EPHA6: variants seen among roughly 807,000 people sequenced by gnomAD.
EPHA6 encodes the protein EPH receptor A6, also known as ephrin type-A receptor 6.
Under a neutral mutation model 112.0 loss-of-function variants are expected in EPHA6, and 50 were observed. The observed-to-expected ratio is 0.45, with a 90% CI of 0.36 to 0.56. The LOEUF is 0.56. Ranked by LOEUF, EPHA6 falls within the 20% of genes least tolerant of loss-of-function variation. The pLI is 0.00. For synonymous variants in EPHA6, 529 were observed against 490.7 expected, an observed-to-expected ratio of 1.08 and a Z score of -1.03; for missense variants, 1,280 against 1,417.4, an observed-to-expected ratio of 0.90 and a Z score of 1.56.
intron 6 of EPHA6, among the ~76,000 whole-genome samples, chr3:97,421,359 G>C (rs866522008): frequency 2.0e-5 from 3 of 152,122 alleles, no homozygotes; most frequent in Middle Eastern, 3.4e-3. Flanking sequence ...CTATACGTCA[G>C]CATCAAAAGA....
intron 3 of EPHA6, among the ~76,000 whole-genome samples, chr3:97,046,485 A>G (rs1004286133): frequency 1.3e-5 from 2 of 152,208 alleles, no homozygotes; most frequent in Non-Finnish European, 2.9e-5. Flanking sequence ...ATTGAAAGAC[A>G]TGACAAGATG....
At chr3:97,260,322 A>G (rs537659765) in intron 5 of EPHA6, among the ~76,000 whole-genome samples, 1 of 152,308 alleles carries the variant, frequency 6.6e-6, no homozygotes, top group African/African-American at 2.4e-5. Context: ...TGTCAGGGTT[A>G]TAGAAAAGCC....
At chr3:97,126,611 T>G (rs2048188257) in intron 3 of EPHA6, among the ~76,000 whole-genome samples, 1 of 152,074 alleles carries the variant, frequency 6.6e-6, no homozygotes, top group African/African-American at 2.4e-5. Flanking sequence ...GATGACAAAT[T>G]AATTCCCATT....
intron 4 of EPHA6, among the ~76,000 whole-genome samples, chr3:97,230,112 C>T (rs996932679): frequency 3.3e-5 from 5 of 152,050 alleles, no homozygotes; most frequent in African/African-American, 1.2e-4. Flanking sequence ...GCATGTATCC[C>T]TCAAAACCTA....
chr3:96,826,030 A>T (rs2033638162), intron 1 of EPHA6, among the ~76,000 whole-genome samples: 1 of 151,842 alleles, frequency 6.6e-6, no homozygotes, highest in South Asian at 2.1e-4. Flanking sequence ...GCAACACCCT[A>T]TTGCAGGCAT....
chr3:97,591,299 A>G (rs2093542171), intron 11 of EPHA6, among the ~76,000 whole-genome samples: 1 of 152,206 alleles, frequency 6.6e-6, no homozygotes, highest in Non-Finnish European at 1.5e-5. Flanking sequence ...TTCTCCATGG[A>G]AACAAGATAT....
At chr3:97,221,885 G>A (rs1299617085) in intron 3 of EPHA6, among the ~76,000 whole-genome samples, 2 of 151,834 alleles carry the variant, frequency 1.3e-5, no homozygotes, top group Non-Finnish European at 2.9e-5. Flanking sequence ...CAAAAATTAG[G>A]CAGATATGGT....
chr3:97,187,679 AAGAAAGAAG>A (rs1202337828), intron 3 of EPHA6, among the ~76,000 whole-genome samples: 22 of 131,346 alleles, frequency 1.7e-4, no homozygotes, highest in African/African-American at 5.6e-4. Context: ...AAGAAAGAGA[AAGAAAGAAG>A]GAAAGAAAGA....
rs527596944 is a variant in EPHA6 at position 97,227,459 on chromosome 3, G to T, written c.1270+1040G>T. Among the ~76,000 whole-genome samples, 6 of 152,272 alleles carry T rather than the reference G, an allele frequency of 3.9e-5. No homozygotes were observed. In the South Asian group the frequency reaches 6.2e-4, roughly 16 times the overall value. On this transcript the variant is annotated intron_variant, in intron 4 of 17. Transcript: ENST00000389672. Reference sequence around the variant, plus strand: ...TGGTCTCGAACTCCTGACCTCAGGTGATCCACCTGCCTTGGCCTCCCAGAG... The same window carrying T: ...TGGTCTCGAACTCCTGACCTCAGGTTATCCACCTGCCTTGGCCTCCCAGAG...
At chr3:97,354,651 A>G (rs944739453) in intron 5 of EPHA6, among the ~76,000 whole-genome samples, 2 of 152,172 alleles carry the variant, frequency 1.3e-5, no homozygotes, top group African/African-American at 4.8e-5. Flanking sequence ...TATTGGCCTT[A>G]AAGAGGCAGT....
intron 5 of EPHA6, among the ~76,000 whole-genome samples, chr3:97,367,351 C>T (rs781278745): frequency 6.6e-6 from 1 of 152,042 alleles, no homozygotes. Context: ...ATTCTGCAGC[C>T]GTATTGGAGA....
intron 2 of EPHA6, among the ~76,000 whole-genome samples, chr3:96,967,705 T>A (rs1248642942): frequency 6.6e-6 from 1 of 151,710 alleles, no homozygotes; most frequent in Non-Finnish European, 1.5e-5. Flanking sequence ...TGTGTGTGTG[T>A]TTTAATTATT....
At chr3:96,908,604 T>A (rs1386214254) in intron 2 of EPHA6, among the ~76,000 whole-genome samples, 1 of 151,952 alleles carries the variant, frequency 6.6e-6, no homozygotes, top group Non-Finnish European at 1.5e-5. Flanking sequence ...TCTTCCAGGA[T>A]ATGCTCTATG....
At chr3:97,646,203 T>C (rs897801649) in intron 14 of EPHA6, 4 of 1,535,658 alleles carry the variant, frequency 2.6e-6, no homozygotes, top group Non-Finnish European at 3.5e-6. Context: ...CGAGTCCAGC[T>C]CTGGTTATGG....
chr3:97,006,537 T>A (rs926912713), intron 3 of EPHA6, among the ~76,000 whole-genome samples: 4 of 151,912 alleles, frequency 2.6e-5, no homozygotes, highest in Admixed American at 6.6e-5. Flanking sequence ...ATTTTTTTTT[T>A]AATTTTTTCA....
intron 5 of EPHA6, among the ~76,000 whole-genome samples, chr3:97,374,615 G>C (rs764799447): frequency 5.9e-5 from 9 of 152,028 alleles, no homozygotes; most frequent in Non-Finnish European, 1.0e-4. Flanking sequence ...CAGGTAGTGA[G>C]CACAGTACTC....
chr3:97,008,752 T>C (rs1421632623), intron 3 of EPHA6, among the ~76,000 whole-genome samples: 2 of 151,694 alleles, frequency 1.3e-5, no homozygotes, highest in Non-Finnish European at 2.9e-5. Context: ...ATTTGTGTAG[T>C]TTCGGCCTTT....
intron 3 of EPHA6, among the ~76,000 whole-genome samples, chr3:97,114,475 GAACACCTGGTTATATA>G (rs905631834): frequency 2.2e-4 from 33 of 152,076 alleles, no homozygotes; most frequent in African/African-American, 7.7e-4. Context: ...CCGCACTCAA[GAACACCTGGTTATATA>G]ATCGTCAGTG....
chr3:96,984,379 A>G (rs946209410), intron 2 of EPHA6, among the ~76,000 whole-genome samples: 2 of 152,108 alleles, frequency 1.3e-5, no homozygotes, highest in African/African-American at 4.8e-5. Flanking sequence ...ATATTGCTGA[A>G]CAGCAAATGT....
Sources: gnomAD v4.1 joint callset for allele counts (sites outside exome capture counted in the v4.1 genomes callset) on GRCh38, gnomAD v4.1.1 for gene constraint, MANE v1.5 for transcripts, NCBI Gene and HGNC (gene_info 2026-07-23, HGNC 2026-07-21) for gene names.